MCF2L: variants seen among roughly 807,000 people sequenced by gnomAD.
MCF2L encodes MCF.2 cell line derived transforming sequence like.
Under a neutral mutation model 153.4 loss-of-function variants are expected in MCF2L, and 97 were observed. That is an observed-to-expected ratio of 0.63 (90% CI 0.54 to 0.75). The LOEUF (loss-of-function observed/expected upper bound fraction) is 0.75. Ranked by LOEUF, MCF2L falls within the 30% of genes least tolerant of loss-of-function variation. MCF2L has a pLI of 0.00. For synonymous variants in MCF2L, 659 were observed against 632.2 expected, an observed-to-expected ratio of 1.04 and a Z score of -0.64; for missense variants, 1,347 against 1,495.2, an observed-to-expected ratio of 0.90 and a Z score of 1.64.
At chr13:113,090,781 T>A in intron 26 of MCF2L, 3 of 985,460 alleles carry the variant, frequency 3.0e-6, no homozygotes, top group South Asian at 4.7e-5. Flanking sequence ...ATAAAATGCT[T>A]TTAAGTTGGC....
chr13:112,943,004 A>C lies in MCF2L; in HGVS notation c.169+40633A>C, dbSNP rs2081592201. 3.3e-5 allele frequency among the ~76,000 whole-genome samples: 5 copies of C among 152,176 alleles called. No homozygotes were observed. The South Asian group carries it at 1.0e-3, about 31-fold the overall frequency. On this transcript the variant is annotated intron_variant, in intron 2 of 29. Coordinates refer to the MCF2L transcript ENST00000375608. The surrounding 1 kb of genome is among the most constrained non-coding windows in gnomAD (Gnocchi z 4.2). The stretch of plus-strand genomic sequence containing the variant: ...TCCAAAGGATATGGTGTGTGAAGAT[A>C]ATGGGGACATTTTGGAATGCCATTT...
intron 14 of MCF2L, 70 bp downstream of exon 14, chr13:113,078,506 G>A (rs373762139): frequency 1.9e-5 from 28 of 1,456,798 alleles, no homozygotes; most frequent in East Asian, 9.5e-5. Context: ...CTGGTTCTCC[G>A]TGTGGCCCCC....
At chr13:112,937,467 A>G (rs772720222) in intron 2 of MCF2L, among the ~76,000 whole-genome samples, 5 of 152,240 alleles carry the variant, frequency 3.3e-5, no homozygotes, top group African/African-American at 4.8e-5. Context: ...TATTTTATGA[A>G]CAAAAGTTCT....
chr13:113,013,006 G>A (rs982106280), intron 1 of MCF2L, among the ~76,000 whole-genome samples: 3 of 152,052 alleles, frequency 2.0e-5, no homozygotes, highest in Admixed American at 6.6e-5. Flanking sequence ...TGATGCGGAC[G>A]GTGCCCCCAC....
Position 113,064,831 on chromosome 13 carries a change from C to G in MCF2L, c.607-105C>G. 2 of 1,337,040 alleles carry G rather than the reference C, an allele frequency of 1.5e-6. No homozygotes were observed. Among genetic ancestry groups the G allele is most frequent in the South Asian group, 1.4e-5 (1 of 71,324 alleles). The allele number at this position is 1,337,040 out of a possible 1,614,324, so 82.8% of individuals were successfully genotyped here. A position where few individuals can be genotyped will look rare whatever the true frequency, so the allele number is the denominator to read the frequency against. The stretch of plus-strand genomic sequence containing the variant: ...CCGTCTTTGCGTCAGCCGGTCTCAC[C>G]TGATGGGTCTGTGTGGGAACGGTTT... On this transcript the variant is annotated intron_variant, in intron 6 of 29. Coordinates refer to ENST00000535094, the MANE Select transcript of MCF2L (RefSeq NM_001112732.3). The surrounding 1 kb of genome is among the most constrained non-coding windows in gnomAD (Gnocchi z 6.0).
chr13:113,063,193 C>T (rs2031794736), intron 5 of MCF2L, among the ~76,000 whole-genome samples: 1 of 152,246 alleles, frequency 6.6e-6, no homozygotes, highest in Non-Finnish European at 1.5e-5. Flanking sequence ...ACGAAGGAGG[C>T]AGCTGAGACA....
In MCF2L at chr13:113,066,126, C is replaced by T. The variant is rs1244824319; in HGVS notation, c.837C>T (p.Pro279=). The T allele has an allele frequency of 1.2e-6, 2 of 1,613,002 alleles. No individual in the cohort carries two copies. The highest frequency in any genetic ancestry group is 1.3e-5 in the African/African-American group (1 of 74,942). Reference sequence around the variant, plus strand: ...AGCTGCAGGCTGAGGGCTCAGAGCCCAGTGTGAACCAGGACCAGCTTGACA... The same window carrying T: ...AGCTGCAGGCTGAGGGCTCAGAGCCTAGTGTGAACCAGGACCAGCTTGACA... ...LRELQAEGSE[P]SVNQDQLDNQ... is the part of the protein sequence containing the mutation. Residue 279 remains proline (P), a synonymous_variant, in exon 8 of 30, where the codon CCC becomes CCT. Coordinates refer to ENST00000535094, the MANE Select transcript of MCF2L (RefSeq NM_001112732.3).
intron 8 of MCF2L, 65 bp from the exon 9 acceptor site, chr13:113,069,994 A>G: frequency 3.5e-6 from 4 of 1,148,348 alleles, no homozygotes; most frequent in Non-Finnish European, 3.8e-6. Context: ...TTGAACACCC[A>G]CCGCGCTCCA....
intron 29 of MCF2L, 46 bp from the exon 30 acceptor site, chr13:113,096,728 C>T (rs745817945): frequency 6.4e-6 from 10 of 1,553,146 alleles, no homozygotes; most frequent in Non-Finnish European, 8.6e-6. Flanking sequence ...CGTGTGTGCC[C>T]GGCAGAGCCG....
rs2032210997 is a variant in MCF2L at position 113,065,411 on chromosome 13, CT to C, written c.756+330del. 29 of 363,740 alleles carry C rather than the reference CT, an allele frequency of 8.0e-5. No individual in the cohort carries two copies. The South Asian group carries it at 1.1e-3, about 14-fold the overall frequency. The allele number at this position is 363,740 out of a possible 1,614,324, so 22.5% of individuals were successfully genotyped here. ...CCAGGGGTGGCTCCTCTCAGGAGCA[CT>C]TTTGGCTGTCTGTGCGGGGAGCTCC... On this transcript the variant is annotated intron_variant, in intron 7 of 29. Transcript: ENST00000535094.
rs1291958575 is a variant in MCF2L, at chr13:113,024,693, G to A, written c.213G>A (p.Pro71=). Residue 71 remains proline, a synonymous_variant, in exon 3 of 30, where the codon CCG becomes CCA. Transcript: ENST00000535094. The stretch of plus-strand genomic sequence containing the variant: ...CGGTTATCACCTTCCCTGACTACCC[G>A]GCCTTCAGCGAGATTCCGGACAAGG... The part of the protein sequence containing the change: ...GSPVITFPDY[P]AFSEIPDKEF... The A allele has an allele frequency of 1.2e-5, 19 of 1,614,194 alleles. No homozygotes were observed. Among genetic ancestry groups the A allele is most frequent in the Admixed American group, 1.7e-5 (1 of 60,034 alleles).
Position 113,084,990 on chromosome 13 carries a change from TC to T in MCF2L, c.2154+10del. ...CCGACTGCCCGTTTTTCCAGGTTTG[TC>T]CCCGGACCTTCCTTTAGAACGTTAC... On this transcript the variant is annotated splice_region_variant and intron_variant, in intron 19 of 29. Transcript: ENST00000535094. 6.2e-7 allele frequency: 1 copy of T among 1,613,756 alleles called. No homozygotes were observed. The highest frequency in any genetic ancestry group is 8.5e-7 in the Non-Finnish European group (1 of 1,179,770).
chr13:113,058,614 T>G (rs540223383), intron 4 of MCF2L, among the ~76,000 whole-genome samples: 1 of 146,890 alleles, frequency 6.8e-6, no homozygotes, highest in African/African-American at 2.5e-5. Flanking sequence ...AGTGTTTAGT[T>G]GCTGTGTGTT....
At chr13:113,038,857 G>T (rs891232202) in intron 3 of MCF2L, among the ~76,000 whole-genome samples, 29 of 152,166 alleles carry the variant, frequency 1.9e-4, no homozygotes, top group African/African-American at 5.1e-4. Context: ...TTTATTTATT[G>T]ATTTATTTAT....
At chr13:113,089,958 C>T (rs887757100) in intron 26 of MCF2L, 29 of 1,596,788 alleles carry the variant, frequency 1.8e-5, no homozygotes, top group South Asian at 5.6e-5. Context: ...GAAGGAGCCT[C>T]GGCCGAGCGT....
chr13:113,090,462 C>T (rs1456059014), intron 26 of MCF2L: 1 of 984,436 alleles, frequency 1.0e-6, no homozygotes, highest in Non-Finnish European at 1.2e-6. Context: ...CTTCTCCCGC[C>T]TTCTCAGGTG....
intron 2 of MCF2L, among the ~76,000 whole-genome samples, chr13:112,930,078 A>G (rs541453111): frequency 6.6e-6 from 1 of 152,344 alleles, no homozygotes; most frequent in Non-Finnish European, 1.5e-5. Flanking sequence ...GCGAGGACAC[A>G]GGGCATGGGG....
rs144117257 is a variant in MCF2L, at chr13:112,988,471, G to A, written c.79+19013G>A. 2.4e-4 allele frequency among the ~76,000 whole-genome samples: 37 copies of A among 152,316 alleles called. No individual in the cohort carries two copies. In the East Asian group the frequency reaches 6.0e-3, roughly 25 times the overall value. Reference sequence around the variant, plus strand: ...GTTTTAATTCTCGGCAGCTCTGTGCGGCCTGGAGGGACGTTCTGTCCTGAG... The same window carrying A: ...GTTTTAATTCTCGGCAGCTCTGTGCAGCCTGGAGGGACGTTCTGTCCTGAG... On this transcript the variant is annotated intron_variant, in intron 1 of 29. Coordinates refer to ENST00000535094, the MANE Select transcript of MCF2L (RefSeq NM_001112732.3).
intron 1 of MCF2L, among the ~76,000 whole-genome samples, chr13:112,987,030 G>A (rs1245779873): frequency 2.0e-5 from 3 of 152,264 alleles, no homozygotes; most frequent in East Asian, 1.9e-4. Flanking sequence ...ACATGAGGTC[G>A]CGGGGCCACA....
Sources: gnomAD v4.1 joint callset for allele counts (sites outside exome capture counted in the v4.1 genomes callset) on GRCh38, gnomAD v4.1.1 for gene constraint, Gnocchi (gnomAD v3.1) non-coding constraint, MANE v1.5 for transcripts, NCBI Gene and HGNC (gene_info 2026-07-23, HGNC 2026-07-21) for gene names.